TMEM131: variants seen among roughly 807,000 people sequenced by gnomAD.
The protein encoded by TMEM131 is transmembrane protein 131, also known as 2610524E03Rik.
A neutral mutation model predicts 211.6 loss-of-function variants in TMEM131; 66 were observed. The observed-to-expected ratio is 0.31, with a 90% CI of 0.26 to 0.38. The LOEUF is 0.38. TMEM131 is among the 10% of genes least tolerant of loss of function. The pLI is 1.00. For missense variants in TMEM131, 2,036 were observed against 2,299.3 expected, an observed-to-expected ratio of 0.89 and a Z score of 2.34; for synonymous variants, 844 against 841.3, an observed-to-expected ratio of 1.00 and a Z score of -0.06.
At chr2:97,776,722 G>C (rs1185708367) in intron 31 of TMEM131, among the ~76,000 whole-genome samples, 1 of 152,226 alleles carries the variant, frequency 6.6e-6, no homozygotes, top group East Asian at 1.9e-4. Flanking sequence ...ATGGAAGCCT[G>C]ATGGTGACAT....
At position 97,812,470 on chromosome 2, in the gene TMEM131, A is replaced by T; in HGVS notation, c.1814T>A (p.Ile605Asn). ...TTTTTCAAACTCTGGCAGGCTTGAAATTATTGTAGTTCTATTGCCTCTTTC... is the reference window on the plus strand; with the variant it reads ...TTTTTCAAACTCTGGCAGGCTTGAATTTATTGTAGTTCTATTGCCTCTTTC... ...AVERGNRTTIISSLPEFEKSS... is the reference protein window; with the variant it reads ...AVERGNRTTINSSLPEFEKSS... The change falls in exon 17 of 41, where the codon ATT becomes AAT. Residue 605 changes from isoleucine to asparagine, a missense_variant. By Grantham distance (149) the Ile-to-Asn change is moderately radical (BLOSUM62 -3). Coordinates refer to ENST00000186436, the MANE Select transcript of TMEM131 (RefSeq NM_015348.2). 1 of 1,613,176 alleles carries T rather than the reference A, an allele frequency of 6.2e-7. No individual in the cohort carries two copies. The highest frequency in any genetic ancestry group is 8.5e-7 in the Non-Finnish European group (1 of 1,179,626).
chr2:97,858,306 T>C (rs1276784690), intron 5 of TMEM131, among the ~76,000 whole-genome samples: 4 of 152,228 alleles, frequency 2.6e-5, no homozygotes, highest in African/African-American at 7.2e-5. Context: ...TTAATTATTT[T>C]GGAAACCTAT....
intron 1 of TMEM131, among the ~76,000 whole-genome samples, chr2:97,946,722 T>A (rs1678060251): frequency 6.6e-6 from 1 of 151,886 alleles, no homozygotes; most frequent in African/African-American, 2.4e-5. Flanking sequence ...TCCAAACTCA[T>A]TTTACAAAGC....
intron 5 of TMEM131, among the ~76,000 whole-genome samples, chr2:97,848,695 G>A (rs535889675): frequency 9.1e-4 from 138 of 151,900 alleles, no homozygotes; most frequent in Non-Finnish European, 1.4e-3. Context: ...TGGATACACA[G>A]GGCCAGCTGT....
chr2:97,795,254 G>T, intron 28 of TMEM131, 139 bp from the exon 29 acceptor site: 1 of 562,906 alleles, frequency 1.8e-6, no homozygotes, highest in South Asian at 2.8e-5. Context: ...CGTATTTTAA[G>T]ATGAAAAAAG....
intron 36 of TMEM131, 71 bp downstream of exon 36, chr2:97,761,964 A>C (rs1416030723): frequency 4.8e-6 from 7 of 1,455,252 alleles, no homozygotes; most frequent in Non-Finnish European, 6.4e-6. Context: ...AAGTGTTTCC[A>C]TTTAAAGGGT....
intron 1 of TMEM131, among the ~76,000 whole-genome samples, chr2:97,986,112 CACAAAT>C (rs1680016369): frequency 6.6e-6 from 1 of 152,056 alleles, no homozygotes; most frequent in Non-Finnish European, 1.5e-5. Flanking sequence ...ACTGATCAAA[CACAAAT>C]ACAAATGGTC....
chr2:97,995,574 G>A lies in TMEM131; in HGVS notation c.89C>T (p.Ala30Val), dbSNP rs1406843530. ...CGCGCTCCGCGGGCCCCCGCTACGG[G>A]CGGCCGCAGGTTCCAGCCCGGCCCC... ...SAGAGLEPAA[A>V]RSGGPRSAAA... The change falls in exon 1 of 41, where the codon GCC (alanine) becomes GTC (valine). Residue 30 changes from alanine to valine, a missense_variant. Physicochemically the swap from Ala to Val is moderately conservative, Grantham distance 64. Coordinates refer to ENST00000186436, the MANE Select transcript of TMEM131 (RefSeq NM_015348.2). The A allele has an allele frequency of 7.7e-7, 1 of 1,302,460 alleles. No individual in the cohort carries two copies. Among genetic ancestry groups the A allele is most frequent in the South Asian group, 2.3e-5 (1 of 43,130 alleles). The allele number at this position is 1,302,460 out of a possible 1,614,324, so 80.7% of individuals were successfully genotyped here.
chr2:97,775,917 A>C lies in TMEM131; in HGVS notation c.4246T>G (p.Ser1416Ala). ...GKPQEDELKD[S>A]LADDDSSSTT... is the part of the protein sequence containing the mutation. ...GAGGAGCTATCATCATCAGCCAAAG[A>C]GTCCTTCAGCTCATCTTCCTGTGGC... is the stretch of plus-strand genomic sequence containing the variant. Residue 1416 changes from serine (S) to alanine (A), a missense_variant, in exon 32 of 41, where the codon TCT (serine) becomes GCT (alanine). Transcript: ENST00000186436. 1 of 1,613,842 alleles carries C rather than the reference A, an allele frequency of 6.2e-7. No homozygotes were observed. Among genetic ancestry groups the C allele is most frequent in the East Asian group, 2.2e-5 (1 of 44,880 alleles).
chr2:97,937,181 G>A (rs1677484602), intron 1 of TMEM131, among the ~76,000 whole-genome samples: 1 of 152,042 alleles, frequency 6.6e-6, no homozygotes, highest in Non-Finnish European at 1.5e-5. Context: ...ACTAAAGTAT[G>A]AGAACAACGC....
intron 31 of TMEM131, among the ~76,000 whole-genome samples, chr2:97,786,590 C>A (rs764734576): frequency 1.3e-5 from 2 of 152,252 alleles, no homozygotes; most frequent in South Asian, 4.1e-4. Flanking sequence ...CTGTGGGGTA[C>A]CTTGGGGCTA....
chr2:97,916,693 CAAGGGT>C (rs1273432226), intron 2 of TMEM131, among the ~76,000 whole-genome samples: 1 of 152,216 alleles, frequency 6.6e-6, no homozygotes, highest in Non-Finnish European at 1.5e-5. Context: ...CAGTGGGATA[CAAGGGT>C]AATGACCCCT....
At chr2:97,982,612 T>A (rs1208772857) in intron 1 of TMEM131, among the ~76,000 whole-genome samples, 1 of 152,216 alleles carries the variant, frequency 6.6e-6, no homozygotes, top group African/African-American at 2.4e-5. Context: ...TGTGGTAGGC[T>A]GAATAATGAC....
intron 1 of TMEM131, among the ~76,000 whole-genome samples, chr2:97,951,742 G>A (rs928986209): frequency 1.3e-5 from 2 of 152,078 alleles, no homozygotes; most frequent in Non-Finnish European, 2.9e-5. Flanking sequence ...CACATGCATG[G>A]AAATTACTCC....
chr2:97,965,050 C>T (rs1678990434), intron 1 of TMEM131, among the ~76,000 whole-genome samples: 1 of 152,168 alleles, frequency 6.6e-6, no homozygotes, highest in Non-Finnish European at 1.5e-5. Flanking sequence ...GCCCCAAGAG[C>T]GTAAGAGCTC....
intron 2 of TMEM131, among the ~76,000 whole-genome samples, chr2:97,915,722 CT>C (rs1305660457): frequency 6.6e-6 from 1 of 152,130 alleles, no homozygotes; most frequent in Non-Finnish European, 1.5e-5. Context: ...GTCAAGAACT[CT>C]TTGCCTAGCC....
chr2:97,854,906 T>C (rs765499867), intron 5 of TMEM131, among the ~76,000 whole-genome samples: 1 of 152,176 alleles, frequency 6.6e-6, no homozygotes, highest in Admixed American at 6.5e-5. Context: ...ACCACCCTAT[T>C]TAAAATGGTA....
intron 3 of TMEM131, 27 bp from the exon 4 acceptor site, chr2:97,888,147 G>A (rs1210050744): frequency 6.3e-6 from 10 of 1,579,930 alleles, no homozygotes; most frequent in Non-Finnish European, 8.7e-6. Flanking sequence ...AACAACATAA[G>A]AAGCAATTCT....
At chr2:97,970,817 T>C (rs1679264477) in intron 1 of TMEM131, among the ~76,000 whole-genome samples, 1 of 152,046 alleles carries the variant, frequency 6.6e-6, no homozygotes, top group Non-Finnish European at 1.5e-5. Flanking sequence ...AGTGTGCAAG[T>C]AGAAGCAAGC....
Sources: gnomAD v4.1 joint callset for allele counts (sites outside exome capture counted in the v4.1 genomes callset) on GRCh38, gnomAD v4.1.1 for gene constraint, MANE v1.5 for transcripts, NCBI Gene and HGNC (gene_info 2026-07-23, HGNC 2026-07-21) for gene names.